Variants in TRAF3 observed in about 807,000 individuals in gnomAD.
The protein encoded by TRAF3 is TNF receptor-associated factor 3.
Under a neutral mutation model 62.3 loss-of-function variants are expected in TRAF3, and 13 were observed. The ratio of observed to expected loss-of-function variants is 0.21; its 90% CI spans 0.14 to 0.33. TRAF3 has a LOEUF of 0.33. Among genes scored for constraint, TRAF3 ranks in the 10% least tolerant of loss-of-function variants. TRAF3 has a pLI of 1.00. For synonymous variants in TRAF3, 269 were observed against 283.4 expected (o/e 0.95, Z 0.51); for missense variants, 440 against 741.8 (o/e 0.59, Z 4.73).
At chr14:102,839,251 C>G (rs1173149996) in intron 2 of TRAF3, among the ~76,000 whole-genome samples, 1 of 123,452 alleles carries the variant, frequency 8.1e-6, no homozygotes, top group Non-Finnish European at 1.6e-5. Flanking sequence ...AACAGTCTCA[C>G]TCTGTCACCC....
At chr14:102,858,010 A>G (rs1219691753) in intron 2 of TRAF3, among the ~76,000 whole-genome samples, 5 of 152,272 alleles carry the variant, frequency 3.3e-5, no homozygotes, top group South Asian at 2.1e-4. Flanking sequence ...TCTGAAAAAC[A>G]AAAATGATCA....
chr14:102,821,347 A>G (rs957748743), intron 1 of TRAF3, among the ~76,000 whole-genome samples: 1 of 152,198 alleles, frequency 6.6e-6, no homozygotes, highest in Non-Finnish European at 1.5e-5. Flanking sequence ...GGTCTTTTGT[A>G]ATGTATTTTA....
chr14:102,877,745 G>A (rs1888792898), intron 6 of TRAF3, among the ~76,000 whole-genome samples: 1 of 144,360 alleles, frequency 6.9e-6, no homozygotes, highest in East Asian at 2.1e-4. Context: ...TCAACTCATA[G>A]ATAATCCATT....
At position 102,837,819 on chromosome 14, in the gene TRAF3, C is replaced by CT. The variant is rs564397907; in HGVS notation, c.-18+7350dup. Among the ~76,000 whole-genome samples the CT allele has an allele frequency of 1.1e-3, 165 of 152,260 alleles. 2 individuals are homozygous for CT. Among genetic ancestry groups the CT allele is most frequent in the Middle Eastern group, 6.8e-3 (2 of 294 alleles). Reference sequence around the variant, plus strand: ...AAATACTATGGTCAAATTGCTGGGTCTTTGAGACCTAGGTTTTAGTCCTGT... The same window carrying CT: ...AAATACTATGGTCAAATTGCTGGGTCTTTTGAGACCTAGGTTTTAGTCCTGT... On this transcript the variant is annotated intron_variant, in intron 2 of 11. Transcript: ENST00000392745.
chr14:102,871,892 T>C (rs1888361534), intron 3 of TRAF3, 25 bp from the exon 4 acceptor site: 1 of 1,611,762 alleles, frequency 6.2e-7, no homozygotes, highest in Non-Finnish European at 8.5e-7. Flanking sequence ...TCCACTCTAA[T>C]GCAGTCACTT....
At chr14:102,893,023 A>C (rs961252313) in intron 9 of TRAF3, among the ~76,000 whole-genome samples, 2 of 152,162 alleles carry the variant, frequency 1.3e-5, no homozygotes, top group Non-Finnish European at 2.9e-5. Flanking sequence ...AATTATAGGC[A>C]TAGATCACAG....
intron 10 of TRAF3, among the ~76,000 whole-genome samples, chr14:102,901,481 G>A (rs754504535): frequency 1.3e-5 from 2 of 152,166 alleles, no homozygotes; most frequent in Admixed American, 6.5e-5. Context: ...AGAGGCTTCC[G>A]GTGCTCACTA....
intron 2 of TRAF3, among the ~76,000 whole-genome samples, chr14:102,843,844 G>A (rs529322562): frequency 1.3e-5 from 2 of 152,038 alleles, no homozygotes; most frequent in Non-Finnish European, 1.5e-5. Context: ...AATTGACAAA[G>A]CTCCAGTGAA....
In TRAF3 at chr14:102,789,742, C is replaced by T. The variant is rs554467822; in HGVS notation, c.-157+12067C>T. Among the ~76,000 whole-genome samples, 42 of 151,798 alleles carry T rather than the reference C, an allele frequency of 2.8e-4. No homozygotes were observed. In the South Asian group the frequency reaches 8.1e-3, roughly 29 times the overall value. On this transcript the variant is annotated intron_variant, in intron 1 of 11. Coordinates refer to ENST00000392745, the MANE Select transcript of TRAF3 (RefSeq NM_145725.3). ...AGATATTGAATGTCTTTTCATGTGA[C>T]TCTTGGCCATTTGTGTATTTTTGGA...
At chr14:102,805,685 C>T (rs1395911694) in intron 1 of TRAF3, among the ~76,000 whole-genome samples, 1 of 152,176 alleles carries the variant, frequency 6.6e-6, no homozygotes, top group East Asian at 1.9e-4. Flanking sequence ...GCTACGTTTT[C>T]CTGTGTCCTG....
intron 1 of TRAF3, among the ~76,000 whole-genome samples, chr14:102,813,840 G>T (rs114944589): frequency 1.3e-5 from 2 of 151,872 alleles, no homozygotes; most frequent in African/African-American, 4.8e-5. Flanking sequence ...TGAATAGTTC[G>T]CAAATACTTT....
intron 1 of TRAF3, among the ~76,000 whole-genome samples, chr14:102,785,462 A>C (rs1897452203): frequency 6.6e-6 from 1 of 152,184 alleles, no homozygotes; most frequent in Non-Finnish European, 1.5e-5. Context: ...GTCTAGTAAT[A>C]ATGATAGTAT....
rs1160230828 is a variant in TRAF3, at chr14:102,806,836, C to G, written c.-156-23498C>G. 7.2e-5 allele frequency among the ~76,000 whole-genome samples: 11 copies of G among 152,284 alleles called. 1 individual carries two copies. Among genetic ancestry groups the G allele is most frequent in the African/African-American group, 1.9e-4 (8 of 41,558 alleles). ...GCAGGACAAGGAGGCGTTTTGTCCACAAACCTTGAGAGTGAGTGAATGGGG... is the reference window on the plus strand; with the variant it reads ...GCAGGACAAGGAGGCGTTTTGTCCAGAAACCTTGAGAGTGAGTGAATGGGG... On this transcript the variant is annotated intron_variant, in intron 1 of 11. Coordinates refer to ENST00000392745, the MANE Select transcript of TRAF3 (RefSeq NM_145725.3).
chr14:102,836,369 G>A (rs1423799734), intron 2 of TRAF3, among the ~76,000 whole-genome samples: 1 of 152,202 alleles, frequency 6.6e-6, no homozygotes, highest in African/African-American at 2.4e-5. Flanking sequence ...TATAATGATT[G>A]TTGAGAATAG....
chr14:102,797,573 G>C (rs1051343228), intron 1 of TRAF3, among the ~76,000 whole-genome samples: 2 of 152,102 alleles, frequency 1.3e-5, no homozygotes, highest in African/African-American at 4.8e-5. Context: ...GTCCCCATCT[G>C]TCTTTGTGAC....
chr14:102,903,074 C>G lies in TRAF3; in HGVS notation c.961-181C>G, dbSNP rs1283502250. ...CCCTGCCGGCACAAGCACTTGATCC[C>G]AGGGAGCTCCCAGGAGGCCTGATGC... On this transcript the variant is annotated intron_variant, in intron 10 of 11. Transcript: ENST00000392745. This position sits in a 1 kb window ranked among gnomAD's most constrained non-coding sequence, Gnocchi z 6.4. 1 of 791,446 alleles carries G rather than the reference C, an allele frequency of 1.3e-6. No individual in the cohort carries two copies. Among genetic ancestry groups the G allele is most frequent in the Admixed American group, 2.0e-5 (1 of 49,532 alleles). 49.0% of individuals were successfully genotyped at this position (791,446 alleles called of 1,614,324 possible). A position where few individuals can be genotyped will look rare whatever the true frequency, so the allele number is the denominator to read the frequency against.
chr14:102,888,597 A>G (rs1434124596), intron 7 of TRAF3, among the ~76,000 whole-genome samples: 1 of 152,168 alleles, frequency 6.6e-6, no homozygotes, highest in Non-Finnish European at 1.5e-5. Flanking sequence ...TGGCACACAG[A>G]AGAACACATT....
rs545677598 is a variant in TRAF3 at position 102,805,724 on chromosome 14, C to T, written c.-156-24610C>T. ...AAATGAAGAGGTTAGTCATGCATTCCCTCAGCTAGAGCGTGAGGCAGTCCT... is the reference window on the plus strand; with the variant it reads ...AAATGAAGAGGTTAGTCATGCATTCTCTCAGCTAGAGCGTGAGGCAGTCCT... On this transcript the variant is annotated intron_variant, in intron 1 of 11. Coordinates refer to ENST00000392745, the MANE Select transcript of TRAF3 (RefSeq NM_145725.3). Among the ~76,000 whole-genome samples, 7 of 152,262 alleles carry T rather than the reference C, an allele frequency of 4.6e-5. No individual in the cohort carries two copies. In the South Asian group the frequency reaches 1.5e-3, roughly 32 times the overall value.
intron 1 of TRAF3, among the ~76,000 whole-genome samples, chr14:102,782,316 C>T (rs1221212703): frequency 6.6e-6 from 1 of 152,100 alleles, no homozygotes; most frequent in Non-Finnish European, 1.5e-5. Flanking sequence ...TCACTGCAGC[C>T]TCTGCCTCCT....
Sources: allele counts gnomAD v4.1 joint callset (sites outside exome capture counted in the v4.1 genomes callset), GRCh38; gene constraint gnomAD v4.1.1; non-coding constraint Gnocchi (gnomAD v3.1); transcripts MANE v1.5; gene names NCBI Gene and HGNC (gene_info 2026-07-23, HGNC 2026-07-21).